The following GLG1 variants were observed in gnomAD, a reference collection of about 807,000 sequenced individuals.
GLG1 encodes the protein Golgi apparatus protein 1.
In GLG1, 38 loss-of-function variants were observed where a neutral mutation model predicts 160.5. The observed-to-expected ratio is 0.24, with a 90% confidence interval of 0.18 to 0.31. The LOEUF (loss-of-function observed/expected upper bound fraction) is 0.31. Ranked by LOEUF, GLG1 falls within the 10% of genes least tolerant of loss-of-function variation. The pLI, the probability that GLG1 is intolerant of heterozygous loss-of-function variation, is 1.00. For synonymous variants in GLG1, 644 were observed against 543.4 expected (o/e 1.19, Z -2.57); for missense variants, 1,373 against 1,505.2 (o/e 0.91, Z 1.45).
chr16:74,567,995 A>G (rs2018708692), intron 1 of GLG1, among the ~76,000 whole-genome samples: 1 of 152,254 alleles, frequency 6.6e-6, no homozygotes, highest in Non-Finnish European at 1.5e-5. Flanking sequence ...AGAGCAAATG[A>G]GTCCACATAA....
intron 1 of GLG1, among the ~76,000 whole-genome samples, chr16:74,605,739 T>G (rs1958551056): frequency 1.3e-5 from 2 of 151,934 alleles, no homozygotes; most frequent in Admixed American, 1.3e-4. Flanking sequence ...AATCTGATAT[T>G]TAAAAAAAAA....
chr16:74,572,627 T>TAGA (rs1256598639), intron 1 of GLG1, among the ~76,000 whole-genome samples: 1 of 151,728 alleles, frequency 6.6e-6, no homozygotes, highest in Non-Finnish European at 1.5e-5. Flanking sequence ...GGAGAGGGCA[T>TAGA]AGAAGCTCCT....
chr16:74,579,194 C>A (rs1277532104), intron 1 of GLG1, among the ~76,000 whole-genome samples: 1 of 151,682 alleles, frequency 6.6e-6, no homozygotes, highest in Non-Finnish European at 1.5e-5. Flanking sequence ...AAAATACAAA[C>A]AACAACAACA....
At chr16:74,570,514 A>G (rs2018794259) in intron 1 of GLG1, among the ~76,000 whole-genome samples, 1 of 68,722 alleles carries the variant, frequency 1.5e-5, no homozygotes. Context: ...CTATACTGTG[A>G]TGGATTTTTT....
At chr16:74,578,914 T>C (rs994035823) in intron 1 of GLG1, among the ~76,000 whole-genome samples, 14 of 152,162 alleles carry the variant, frequency 9.2e-5, no homozygotes, top group African/African-American at 3.4e-4. Flanking sequence ...TTTAACAAGA[T>C]GAAAATAGGT....
intron 1 of GLG1, among the ~76,000 whole-genome samples, chr16:74,589,483 T>C (rs541016343): frequency 2.0e-5 from 3 of 152,160 alleles, no homozygotes; most frequent in African/African-American, 7.2e-5. Context: ...ACCACTGATA[T>C]AAAATATTTT....
Position 74,503,543 on chromosome 16 carries a change from C to T in GLG1, c.762G>A (p.Arg254=). The change falls in exon 4 of 26, where the codon CGG becomes CGA. Residue 254 remains arginine, a synonymous_variant. Transcript: ENST00000422840. ...DINILKCGSI[R]LGEKDAHSQG... ...TAGTATTAGATACCTTTTCTCCAAGCCGAATACTGCCACATTTCAGAATGT... is the reference window on the plus strand; with the variant it reads ...TAGTATTAGATACCTTTTCTCCAAGTCGAATACTGCCACATTTCAGAATGT... 6.2e-7 allele frequency: 1 copy of T among 1,609,786 alleles called. No homozygotes were observed. Among genetic ancestry groups the T allele is most frequent in the Non-Finnish European group, 8.5e-7 (1 of 1,176,096 alleles).
At chr16:74,585,627 G>C (rs544892633) in intron 1 of GLG1, among the ~76,000 whole-genome samples, 120 of 145,692 alleles carry the variant, frequency 8.2e-4, no homozygotes, top group Admixed American at 1.8e-3. Flanking sequence ...AGAATGGCGT[G>C]AACTCAGGAG....
intron 1 of GLG1, among the ~76,000 whole-genome samples, chr16:74,567,785 G>T (rs1283691710): frequency 6.6e-6 from 1 of 151,080 alleles, no homozygotes; most frequent in Admixed American, 6.6e-5. Context: ...AGCCAGGATG[G>T]TCTCGATCTC....
At chr16:74,497,151 T>C (rs980474175) in intron 4 of GLG1, among the ~76,000 whole-genome samples, 2 of 151,846 alleles carry the variant, frequency 1.3e-5, no homozygotes, top group Admixed American at 1.3e-4. Flanking sequence ...TAGCCAGGCA[T>C]GGTGGTGTGC....
chr16:74,587,749 C>T (rs1305867511), intron 1 of GLG1, among the ~76,000 whole-genome samples: 5 of 151,856 alleles, frequency 3.3e-5, no homozygotes, highest in Non-Finnish European at 5.9e-5. Context: ...GCCTGTAGTC[C>T]GGAGGCTGAG....
chr16:74,468,224 G>GTTTTTTTT (rs1395188789), intron 17 of GLG1: 2 of 101,632 alleles, frequency 2.0e-5, no homozygotes, highest in African/African-American at 8.5e-5. Flanking sequence ...AGCTTGAAAT[G>GTTTTTTTT]TCTTTTTTTT....
At chr16:74,595,531 C>T (rs1358355039) in intron 1 of GLG1, among the ~76,000 whole-genome samples, 1 of 152,072 alleles carries the variant, frequency 6.6e-6, no homozygotes. Context: ...AGCAAGACTC[C>T]GTCTCAAAAA....
At chr16:74,593,627 G>A (rs1011785506) in intron 1 of GLG1, among the ~76,000 whole-genome samples, 3 of 151,792 alleles carry the variant, frequency 2.0e-5, no homozygotes, top group African/African-American at 7.3e-5. Context: ...TAGAGACAGG[G>A]TTTCACCACG....
chr16:74,577,489 T>C (rs1597365880), intron 1 of GLG1, among the ~76,000 whole-genome samples: 1 of 127,482 alleles, frequency 7.8e-6, no homozygotes, highest in African/African-American at 3.1e-5. Context: ...ACCATTGCAC[T>C]CCACCCTGAG....
chr16:74,591,974 C>A (rs1361473915), intron 1 of GLG1, among the ~76,000 whole-genome samples: 2 of 152,132 alleles, frequency 1.3e-5, no homozygotes, highest in Non-Finnish European at 2.9e-5. Flanking sequence ...GGATTTACCC[C>A]TTCATAGTGT....
chr16:74,505,382 G>A (rs920381736), intron 3 of GLG1, among the ~76,000 whole-genome samples: 1 of 152,244 alleles, frequency 6.6e-6, no homozygotes, highest in Non-Finnish European at 1.5e-5. Context: ...CAAGATGAAT[G>A]AAATTCTTTC....
chr16:74,552,451 T>C (rs1350460647), intron 1 of GLG1: 3 of 526,800 alleles, frequency 5.7e-6, no homozygotes, highest in Non-Finnish European at 1.1e-5. Flanking sequence ...TCTGGAGACA[T>C]TTCTACTGGT....
rs1022266275 is a variant in GLG1 at position 74,541,508 on chromosome 16, A to G, written c.439-9355T>C. 2.4e-4 allele frequency among the ~76,000 whole-genome samples: 37 copies of G among 152,326 alleles called. 1 individual carries two copies. Among genetic ancestry groups the G allele is most frequent in the Admixed American group, 1.8e-3 (27 of 15,296 alleles). ...ATTCCAGTTCCACTGCACATTTATC[A>G]CATAACATTCTTTAAGCTTCAAATT... On this transcript the variant is annotated intron_variant, in intron 1 of 25. Coordinates refer to ENST00000422840, the MANE Select transcript of GLG1 (RefSeq NM_001145667.2).
Sources: gnomAD v4.1 joint callset for allele counts (sites outside exome capture counted in the v4.1 genomes callset) on GRCh38, gnomAD v4.1.1 for gene constraint, MANE v1.5 for transcripts, NCBI Gene and HGNC (gene_info 2026-07-23, HGNC 2026-07-21) for gene names.